Variants in MYRFL observed in about 807,000 individuals in gnomAD.
MYRFL encodes myelin regulatory factor-like protein.
Under a neutral mutation model 109.4 loss-of-function variants are expected in MYRFL, and 88 were observed. The ratio of observed to expected loss-of-function variants is 0.80; its 90% CI spans 0.68 to 0.96. MYRFL has a LOEUF of 0.96. MYRFL is among the 40% of genes least tolerant of loss of function. MYRFL has a pLI of 0.00. For synonymous variants in MYRFL, 324 were observed against 320.9 expected (o/e 1.01, Z -0.10); for missense variants, 957 against 954.9 (o/e 1.00, Z -0.03).
intron 19 of MYRFL, among the ~76,000 whole-genome samples, chr12:69,942,797 A>C (rs1363207305): frequency 6.6e-6 from 1 of 151,738 alleles, no homozygotes; most frequent in Admixed American, 6.6e-5. Context: ...CCATTGTCTC[A>C]GCCCAAAATC....
chr12:69,875,861 G>GTTT (rs992766815), intron 2 of MYRFL, among the ~76,000 whole-genome samples: 1 of 152,184 alleles, frequency 6.6e-6, no homozygotes, highest in Non-Finnish European at 1.5e-5. Context: ...TTGTAGAGTA[G>GTTT]TTTTTGTACC....
At chr12:69,863,995 G>T (rs998402830) in intron 2 of MYRFL, among the ~76,000 whole-genome samples, 1 of 152,054 alleles carries the variant, frequency 6.6e-6, no homozygotes, top group African/African-American at 2.4e-5. Flanking sequence ...AGCCTCCATG[G>T]TTTCTGATGA....
At chr12:69,890,459 T>C (rs753733961) in intron 6 of MYRFL, among the ~76,000 whole-genome samples, 5 of 152,204 alleles carry the variant, frequency 3.3e-5, no homozygotes, top group Non-Finnish European at 5.9e-5. Context: ...TGGCCGGGTG[T>C]GGTAGCTCAC....
chr12:69,862,360 A>G (rs1206890188), intron 2 of MYRFL, among the ~76,000 whole-genome samples: 1 of 152,100 alleles, frequency 6.6e-6, no homozygotes, highest in Admixed American at 6.5e-5. Flanking sequence ...TTTTCACAAT[A>G]TTGATTCTTC....
At chr12:69,936,718 G>C (rs1304114063) in intron 19 of MYRFL, 86 bp downstream of exon 19, 3 of 1,231,214 alleles carry the variant, frequency 2.4e-6, no homozygotes, top group Non-Finnish European at 3.2e-6. Flanking sequence ...GTCATTAATG[G>C]TTCCAGATAA....
At chr12:69,907,880 A>G (rs1047322431) in intron 11 of MYRFL, among the ~76,000 whole-genome samples, 4 of 151,784 alleles carry the variant, frequency 2.6e-5, no homozygotes, top group Admixed American at 6.6e-5. Flanking sequence ...TGACTGAGTG[A>G]AGGCGCTCAC....
chr12:69,893,325 T>C (rs1887028523), intron 7 of MYRFL, among the ~76,000 whole-genome samples: 1 of 152,242 alleles, frequency 6.6e-6, no homozygotes, highest in Admixed American at 6.5e-5. Context: ...TGTTTCTTCA[T>C]AGTAGAATGA....
intron 13 of MYRFL, among the ~76,000 whole-genome samples, chr12:69,922,316 T>G (rs1271106927): frequency 1.3e-5 from 2 of 152,190 alleles, no homozygotes; most frequent in East Asian, 3.8e-4. Context: ...GCTGTTTCTA[T>G]CTTCATAATT....
chr12:69,878,315 T>C (rs921191727), intron 2 of MYRFL, among the ~76,000 whole-genome samples: 11 of 151,968 alleles, frequency 7.2e-5, no homozygotes, highest in Admixed American at 1.3e-4. Context: ...CTCAGCAATT[T>C]AAAGTGTTCT....
intron 19 of MYRFL, among the ~76,000 whole-genome samples, chr12:69,948,869 T>C (rs2120536407): frequency 6.6e-6 from 1 of 152,324 alleles, no homozygotes; most frequent in South Asian, 2.1e-4. Context: ...ATGTTCTTTC[T>C]CAGCATCCCT....
At chr12:69,854,664 A>T (rs1032745204) in intron 1 of MYRFL, among the ~76,000 whole-genome samples, 5 of 152,236 alleles carry the variant, frequency 3.3e-5, no homozygotes, top group Admixed American at 6.5e-5. Context: ...GGGATTACAC[A>T]CGTGAGCCAC....
intron 19 of MYRFL, among the ~76,000 whole-genome samples, chr12:69,945,105 C>G (rs955650708): frequency 1.3e-5 from 2 of 151,818 alleles, no homozygotes; most frequent in East Asian, 1.9e-4. Context: ...AGTGTTATTA[C>G]AAGAGTCAAA....
At chr12:69,913,100 A>G (rs372182099) in intron 13 of MYRFL, among the ~76,000 whole-genome samples, 160 of 152,118 alleles carry the variant, frequency 1.1e-3, no homozygotes, top group African/African-American at 3.8e-3. Context: ...GTTCATGTAT[A>G]TATCTTCTTT....
rs1955843644 is a variant in MYRFL, at chr12:69,946,491, T to G, written c.2225-5622T>G. 2.6e-5 allele frequency: 4 copies of G among 152,188 alleles called. 1 individual carries two copies. In the South Asian group the frequency reaches 8.3e-4, roughly 32 times the overall value. 9.4% of individuals were successfully genotyped at this position (152,188 alleles called of 1,614,324 possible). A position where few individuals can be genotyped will look rare whatever the true frequency, so the allele number is the denominator to read the frequency against. On this transcript the variant is annotated intron_variant, in intron 19 of 24. Coordinates refer to ENST00000552032, the MANE Select transcript of MYRFL (RefSeq NM_182530.3). The stretch of plus-strand genomic sequence containing the variant: ...ACTTTTTGGCCCCGAGAATCCACTA[T>G]AAGCCTACTTTTACAATGATGTGAT...
chr12:69,891,611 C>CTT (rs1566002072), intron 7 of MYRFL, among the ~76,000 whole-genome samples: 56 of 107,404 alleles, frequency 5.2e-4, no homozygotes, highest in Non-Finnish European at 7.6e-4. Context: ...CTTTCTCTTT[C>CTT]TTTCTTTCTT....
At position 69,919,094 on chromosome 12, in the gene MYRFL, G is replaced by A. The variant is rs566046017; in HGVS notation, c.1603-7477G>A. Among the ~76,000 whole-genome samples, 259 of 152,310 alleles carry A rather than the reference G, an allele frequency of 1.7e-3. 2 individuals carry two copies. In the South Asian group the frequency reaches 0.028, roughly 17 times the overall value. On this transcript the variant is annotated intron_variant, in intron 13 of 24. Coordinates refer to ENST00000552032, the MANE Select transcript of MYRFL (RefSeq NM_182530.3). ...GTCTTATCCCTGCACTCAGGTGAGT[G>A]TCTAGCATATCATAGGTGCTTAATA...
chr12:69,924,763 T>C (rs1955020416), intron 13 of MYRFL, among the ~76,000 whole-genome samples: 1 of 152,198 alleles, frequency 6.6e-6, no homozygotes, highest in African/African-American at 2.4e-5. Flanking sequence ...GATACAAGTA[T>C]GATTTTTTTT....
rs567480918 is a variant in MYRFL, at chr12:69,903,441, G to A, written c.1183-203G>A. 4.6e-5 allele frequency among the ~76,000 whole-genome samples: 7 copies of A among 152,232 alleles called. No homozygotes were observed. In the South Asian group the frequency reaches 6.2e-4, roughly 14 times the overall value. ...CAGGGTATACAGAGCTCCTGCTAGCGGGGAGGCAGAGTGGTTAGGGAAGCC... is the reference window on the plus strand; with the variant it reads ...CAGGGTATACAGAGCTCCTGCTAGCAGGGAGGCAGAGTGGTTAGGGAAGCC... On this transcript the variant is annotated intron_variant, in intron 10 of 24. Coordinates refer to ENST00000552032, the MANE Select transcript of MYRFL (RefSeq NM_182530.3).
At chr12:69,870,377 G>C (rs899204259) in intron 2 of MYRFL, among the ~76,000 whole-genome samples, 2 of 152,026 alleles carry the variant, frequency 1.3e-5, no homozygotes, top group African/African-American at 4.8e-5. Flanking sequence ...GCTGAAGCTA[G>C]AGACAGGGTT....
Sources: allele counts gnomAD v4.1 joint callset (sites outside exome capture counted in the v4.1 genomes callset), GRCh38; gene constraint gnomAD v4.1.1; transcripts MANE v1.5; gene names NCBI Gene and HGNC (gene_info 2026-07-23, HGNC 2026-07-21).